The following PTPRD variants were observed in gnomAD, a reference collection of about 807,000 sequenced individuals.
PTPRD encodes receptor-type tyrosine-protein phosphatase delta.
A neutral mutation model predicts 214.5 loss-of-function variants in PTPRD; 34 were observed. The ratio of observed to expected loss-of-function variants is 0.16; its 90% CI spans 0.12 to 0.21. The LOEUF (loss-of-function observed/expected upper bound fraction) is 0.21. PTPRD is among the 10% of genes least tolerant of loss of function. The pLI is 1.00. For synonymous variants in PTPRD, 1,128 were observed against 845.7 expected (o/e 1.33, Z -5.79); for missense variants, 2,545 against 2,398.7 (o/e 1.06, Z -1.27).
At chr9:8,342,386 A>C (rs1853302810) in intron 39 of PTPRD, among the ~76,000 whole-genome samples, 1 of 152,064 alleles carries the variant, frequency 6.6e-6, no homozygotes, top group South Asian at 2.1e-4. Flanking sequence ...AAACTCTCTC[A>C]ATCTGTTTTC....
chr9:8,654,507 A>G lies in PTPRD; in HGVS notation c.65-17663T>C, dbSNP rs114374025. On this transcript the variant is annotated intron_variant, in intron 12 of 45. Transcript: ENST00000381196. The stretch of plus-strand genomic sequence containing the variant: ...GAGCATATTTGGTTAAAGCCAAAAT[A>G]CAAGAAAAAGAAATACTTATGAATT... Among the ~76,000 whole-genome samples the G allele has an allele frequency of 1.7e-3, 252 of 152,344 alleles. 3 individuals carry two copies. The highest frequency in any genetic ancestry group is 6.0e-3 in the African/African-American group (249 of 41,580).
intron 20 of PTPRD, among the ~76,000 whole-genome samples, chr9:8,520,926 G>A (rs1260907399): frequency 6.6e-6 from 1 of 151,766 alleles, no homozygotes; most frequent in Non-Finnish European, 1.5e-5. Flanking sequence ...TTTTCTTGGG[G>A]TTCTTATCAA....
intron 3 of PTPRD, among the ~76,000 whole-genome samples, chr9:10,191,174 AATG>A (rs1258047040): frequency 2.0e-5 from 3 of 152,000 alleles, no homozygotes; most frequent in Non-Finnish European, 4.4e-5. Flanking sequence ...ATAAGAAAGA[AATG>A]ATGTTTTACT....
At chr9:8,636,964 A>C in intron 12 of PTPRD, 120 bp from the exon 13 acceptor site, 1 of 969,388 alleles carries the variant, frequency 1.0e-6, no homozygotes, top group Non-Finnish European at 1.5e-6. Context: ...CATTTTTACA[A>C]TGCACTATGG....
At chr9:9,248,986 G>T (rs2099974258) in intron 9 of PTPRD, among the ~76,000 whole-genome samples, 1 of 152,018 alleles carries the variant, frequency 6.6e-6, no homozygotes, top group South Asian at 2.1e-4. Context: ...GAGTCATAAA[G>T]CAAGTGATAT....
At chr9:8,818,364 T>G (rs1470007829) in intron 11 of PTPRD, among the ~76,000 whole-genome samples, 1 of 152,196 alleles carries the variant, frequency 6.6e-6, no homozygotes, top group Non-Finnish European at 1.5e-5. Flanking sequence ...AAAATAGGGT[T>G]AATTTGGTTT....
At chr9:9,633,775 A>G (rs2095666956) in intron 7 of PTPRD, among the ~76,000 whole-genome samples, 1 of 152,192 alleles carries the variant, frequency 6.6e-6, no homozygotes, top group South Asian at 2.1e-4. Context: ...TTTTTAAGGT[A>G]AAATCATCTG....
At chr9:8,963,240 G>A (rs1588957581) in intron 11 of PTPRD, among the ~76,000 whole-genome samples, 1 of 152,220 alleles carries the variant, frequency 6.6e-6, no homozygotes, top group South Asian at 2.1e-4. Flanking sequence ...GCAAGGAAAT[G>A]ATTATCAGAA....
At chr9:9,518,804 T>C (rs1341032855) in intron 8 of PTPRD, among the ~76,000 whole-genome samples, 1 of 152,000 alleles carries the variant, frequency 6.6e-6, no homozygotes, top group Non-Finnish European at 1.5e-5. Flanking sequence ...GTAAGAAAGA[T>C]TCACCTAGGA....
intron 10 of PTPRD, among the ~76,000 whole-genome samples, chr9:9,040,403 A>G (rs2099635965): frequency 1.3e-5 from 2 of 152,212 alleles, no homozygotes; most frequent in African/African-American, 4.8e-5. Context: ...TTTAGTAAAC[A>G]TGAATTAAGT....
chr9:9,914,446 G>T (rs1009213504), intron 5 of PTPRD, among the ~76,000 whole-genome samples: 2 of 152,186 alleles, frequency 1.3e-5, no homozygotes, highest in Non-Finnish European at 2.9e-5. Context: ...CACGTCAGGG[G>T]CCTAAGAAAT....
At chr9:8,774,987 G>C (rs1269749387) in intron 11 of PTPRD, among the ~76,000 whole-genome samples, 1 of 152,086 alleles carries the variant, frequency 6.6e-6, no homozygotes, top group Non-Finnish European at 1.5e-5. Context: ...CCTGTACTAG[G>C]GATGGCAACA....
chr9:8,885,911 G>A (rs2098483625), intron 11 of PTPRD, among the ~76,000 whole-genome samples: 1 of 152,144 alleles, frequency 6.6e-6, no homozygotes, highest in African/African-American at 2.4e-5. Flanking sequence ...GCGCTTAATT[G>A]TGTTAAGTTT....
chr9:10,044,810 G>A (rs1325346320), intron 3 of PTPRD, among the ~76,000 whole-genome samples: 1 of 151,626 alleles, frequency 6.6e-6, no homozygotes, highest in Non-Finnish European at 1.5e-5. Context: ...GATAGATTTT[G>A]CAACTTCATT....
chr9:8,857,280 G>GT (rs1421350678), intron 11 of PTPRD, among the ~76,000 whole-genome samples: 3 of 152,162 alleles, frequency 2.0e-5, no homozygotes, highest in African/African-American at 7.2e-5. Context: ...GGATCCCTGG[G>GT]TAAGGGTGGA....
At chr9:10,085,774 C>A (rs1273203837) in intron 3 of PTPRD, among the ~76,000 whole-genome samples, 1 of 151,778 alleles carries the variant, frequency 6.6e-6, no homozygotes, top group African/African-American at 2.4e-5. Context: ...GTAGGTGAAA[C>A]CATCATTTTG....
intron 6 of PTPRD, among the ~76,000 whole-genome samples, chr9:9,735,790 T>C (rs577927764): frequency 5.9e-5 from 9 of 152,246 alleles, no homozygotes; most frequent in Admixed American, 4.6e-4. Flanking sequence ...CCATGGATCT[T>C]AGTTCTATTA....
intron 21 of PTPRD, 145 bp from the exon 22 acceptor site, chr9:8,507,579 G>A (rs1036269190): frequency 5.4e-6 from 5 of 932,410 alleles, no homozygotes; most frequent in Admixed American, 4.8e-5. Context: ...CCTTGTCCAA[G>A]TTAACCTCTT....
chr9:8,436,664 G>A lies in PTPRD; in HGVS notation c.4014C>T (p.Pro1338=), dbSNP rs770697853. 1.2e-6 allele frequency: 2 copies of A among 1,613,142 alleles called. No individual in the cohort carries two copies. The highest frequency in any genetic ancestry group is 2.2e-5 in the East Asian group (1 of 44,798). Residue 1338 remains proline (P), a synonymous_variant, in exon 35 of 46, where the codon CCC becomes CCT. Transcript: ENST00000381196. The part of the protein sequence containing the change: ...TPGMASHPPI[P]ILELADHIER... The stretch of plus-strand genomic sequence containing the variant: ...CAATGTGGTCTGCAAGTTCCAAGAT[G>A]GGTATTGGAGGATGGCTAGCCATAC...
Sources: allele counts gnomAD v4.1 joint callset (sites outside exome capture counted in the v4.1 genomes callset), GRCh38; gene constraint gnomAD v4.1.1; transcripts MANE v1.5; gene names NCBI Gene and HGNC (gene_info 2026-07-23, HGNC 2026-07-21).